Variants in RBFOX1 observed in about 807,000 individuals in gnomAD.
The protein encoded by RBFOX1 is RNA binding protein fox-1 homolog 1.
Under a neutral mutation model 57.7 loss-of-function variants are expected in RBFOX1, and 8 were observed. That is an observed-to-expected ratio of 0.14 (90% CI 0.08 to 0.25). The LOEUF (loss-of-function observed/expected upper bound fraction) is 0.25, where lower values mean the gene tolerates loss of function less well. Ranked by LOEUF, RBFOX1 falls within the 10% of genes least tolerant of loss-of-function variation. The probability of loss-of-function intolerance (pLI) is 1.00; values close to 1 mark genes in which losing one functional copy is unlikely to be tolerated. For missense variants in RBFOX1, 611 were observed against 548.5 expected, an observed-to-expected ratio of 1.11 and a Z score of -1.14; for synonymous variants, 326 against 222.4, an observed-to-expected ratio of 1.47 and a Z score of -4.15.
chr16:5,372,561 G>T (rs1465053354), intron 1 of RBFOX1, among the ~76,000 whole-genome samples: 7 of 152,188 alleles, frequency 4.6e-5, no homozygotes, highest in Non-Finnish European at 8.8e-5. Context: ...GCTGGGAACG[G>T]GGGTGGTTTA....
intron 1 of RBFOX1, among the ~76,000 whole-genome samples, chr16:5,416,680 C>CT (rs35102139): frequency 0.059 from 8,509 of 144,220 alleles, 778 homozygotes; most frequent in African/African-American, 0.2. Context: ...TGTAATGTGT[C>CT]TTTTTTTTTT....
At chr16:7,221,032 T>C (rs1024545478) in intron 4 of RBFOX1, among the ~76,000 whole-genome samples, 6 of 152,292 alleles carry the variant, frequency 3.9e-5, no homozygotes, top group African/African-American at 1.4e-4. Flanking sequence ...TTATCAGATG[T>C]ACTGTCTAAC....
chr16:5,630,465 A>C (rs973338051), intron 3 of RBFOX1, among the ~76,000 whole-genome samples: 1 of 152,068 alleles, frequency 6.6e-6, no homozygotes, highest in African/African-American at 2.4e-5. Flanking sequence ...TCGAAAAAAA[A>C]GAAAGAAAAA....
intron 14 of RBFOX1, among the ~76,000 whole-genome samples, chr16:7,705,653 G>T (rs577057315): frequency 1.3e-5 from 2 of 152,188 alleles, no homozygotes; most frequent in African/African-American, 4.8e-5. Flanking sequence ...GGTTTTAAGC[G>T]GGGAGTCATA....
At chr16:6,829,807 G>A (rs968496237) in intron 3 of RBFOX1, among the ~76,000 whole-genome samples, 1 of 152,124 alleles carries the variant, frequency 6.6e-6, no homozygotes, top group Admixed American at 6.5e-5. Flanking sequence ...TCGCCACGTT[G>A]GCCAGGCTGG....
intron 7 of RBFOX1, among the ~76,000 whole-genome samples, chr16:7,591,434 A>C (rs1478196805): frequency 6.6e-6 from 1 of 152,200 alleles, no homozygotes. Context: ...TGAATGCAAA[A>C]AAGGAAGATA....
At chr16:6,402,080 G>C (rs562066544) in intron 2 of RBFOX1, among the ~76,000 whole-genome samples, 126 of 151,468 alleles carry the variant, frequency 8.3e-4, no homozygotes, top group African/African-American at 3.0e-3. Flanking sequence ...GAGATGACTG[G>C]GGAGAAGAAA....
At chr16:6,582,079 C>T (rs1051964182) in intron 2 of RBFOX1, among the ~76,000 whole-genome samples, 1 of 152,240 alleles carries the variant, frequency 6.6e-6, no homozygotes, top group South Asian at 2.1e-4. Flanking sequence ...CCCCACCCAA[C>T]AAAGAATTAT....
chr16:7,028,293 G>T (rs183064336), intron 3 of RBFOX1, among the ~76,000 whole-genome samples: 7 of 152,258 alleles, frequency 4.6e-5, no homozygotes, highest in African/African-American at 1.7e-4. Context: ...CACAGTTCAT[G>T]CTCTGACTTG....
intron 3 of RBFOX1, among the ~76,000 whole-genome samples, chr16:6,866,244 A>G (rs2059890128): frequency 1.3e-5 from 2 of 152,058 alleles, no homozygotes; most frequent in African/African-American, 2.4e-5. Context: ...GGTTCTGGAA[A>G]TGTAAACTAC....
chr16:5,641,010 T>C (rs2048851000), intron 3 of RBFOX1, among the ~76,000 whole-genome samples: 2 of 137,526 alleles, frequency 1.5e-5, no homozygotes, highest in African/African-American at 2.8e-5. Context: ...TGCACACACA[T>C]ACATGCACAC....
At chr16:5,601,306 A>G (rs1199431097), downstream of RBFOX1, 1 of 152,300 alleles carries the variant, frequency 6.6e-6, no homozygotes, top group Non-Finnish European at 1.5e-5. Context: ...CCTAACAGCT[A>G]TTGTCAGGAG....
intron 2 of RBFOX1, among the ~76,000 whole-genome samples, chr16:6,457,383 A>C (rs544495247): frequency 6.6e-6 from 1 of 151,234 alleles, no homozygotes; most frequent in Non-Finnish European, 1.5e-5. Context: ...ATGAGAGCCC[A>C]GGACACATCT....
chr16:7,206,222 G>A (rs2089936245), intron 4 of RBFOX1, among the ~76,000 whole-genome samples: 1 of 152,108 alleles, frequency 6.6e-6, no homozygotes, highest in Admixed American at 6.6e-5. Context: ...TAGGTAAAGT[G>A]GATTTACCAG....
In RBFOX1 at chr16:7,366,424, G is replaced by A. The variant is rs375258309; in HGVS notation, c.28-151723G>A. ...GACATTTATGGCTGAGCCGAGTTTG[G>A]CCTTGAAAAAAATCATCCGGTCCAG... On this transcript the variant is annotated intron_variant, in intron 4 of 15. Transcript: ENST00000550418. Among the ~76,000 whole-genome samples the A allele has an allele frequency of 2.6e-5, 4 of 152,058 alleles. No individual in the cohort carries two copies. In the East Asian group the frequency reaches 7.7e-4, roughly 29 times the overall value.
chr16:6,740,623 A>G (rs1385977690), intron 3 of RBFOX1, among the ~76,000 whole-genome samples: 2 of 152,204 alleles, frequency 1.3e-5, no homozygotes, highest in Non-Finnish European at 2.9e-5. Flanking sequence ...TTAAAATACA[A>G]TACAATTTTA....
intron 3 of RBFOX1, among the ~76,000 whole-genome samples, chr16:6,917,268 A>G (rs993802329): frequency 2.0e-5 from 3 of 152,192 alleles, no homozygotes; most frequent in Admixed American, 6.5e-5. Context: ...TGTCCCAGCT[A>G]CTGTTAGGGA....
At chr16:5,894,093 G>A (rs932104480) in intron 4 of RBFOX1, among the ~76,000 whole-genome samples, 4 of 152,062 alleles carry the variant, frequency 2.6e-5, no homozygotes, top group Non-Finnish European at 5.9e-5. Context: ...GGTGAGGGAG[G>A]AGGGGAGAGA....
intron 1 of RBFOX1, among the ~76,000 whole-genome samples, chr16:6,068,090 T>C (rs1203879399): frequency 1.7e-5 from 2 of 116,802 alleles, no homozygotes; most frequent in Admixed American, 1.8e-4. Flanking sequence ...TATTAGGCTC[T>C]TCATTCATTT....
Sources: allele counts gnomAD v4.1 joint callset (sites outside exome capture counted in the v4.1 genomes callset), GRCh38; gene constraint gnomAD v4.1.1; transcripts MANE v1.5; gene names NCBI Gene and HGNC (gene_info 2026-07-23, HGNC 2026-07-21).